The following TMEM135 variants were observed in gnomAD, a reference collection of about 807,000 sequenced individuals.
The protein encoded by TMEM135 is peroxisomal membrane protein 52.
A neutral mutation model predicts 60.3 loss-of-function variants in TMEM135; 30 were observed. The observed-to-expected ratio is 0.50, with a 90% CI of 0.37 to 0.68. The LOEUF (loss-of-function observed/expected upper bound fraction) is 0.68, where lower values mean the gene tolerates loss of function less well. TMEM135 is among the 30% of genes least tolerant of loss of function. The pLI is 0.00. For missense variants in TMEM135, 468 were observed against 548.8 expected (o/e 0.85, Z 1.47); for synonymous variants, 190 against 186.7 (o/e 1.02, Z -0.14).
At chr11:87,067,165 A>G (rs1220541400) in intron 1 of TMEM135, among the ~76,000 whole-genome samples, 1 of 141,672 alleles carries the variant, frequency 7.1e-6, no homozygotes, top group African/African-American at 2.8e-5. Flanking sequence ...AATTTACTAA[A>G]TATATATATA....
intron 4 of TMEM135, among the ~76,000 whole-genome samples, chr11:87,110,459 T>TAA (rs780804912): frequency 7.1e-6 from 1 of 140,096 alleles, no homozygotes. Flanking sequence ...GTCTTTGAAT[T>TAA]TAAAAAAAAA....
intron 5 of TMEM135, among the ~76,000 whole-genome samples, chr11:87,223,572 G>A (rs959804447): frequency 6.6e-6 from 1 of 151,946 alleles, no homozygotes; most frequent in African/African-American, 2.4e-5. Flanking sequence ...ACCCCAAAAA[G>A]TCTGGGCATG....
intron 4 of TMEM135, among the ~76,000 whole-genome samples, chr11:87,091,684 A>G (rs981497819): frequency 6.6e-6 from 1 of 151,998 alleles, no homozygotes; most frequent in African/African-American, 2.4e-5. Flanking sequence ...ATGTGTATAT[A>G]TCTGTCTCTT....
intron 6 of TMEM135, among the ~76,000 whole-genome samples, chr11:87,291,731 T>G (rs1266459851): frequency 6.6e-6 from 1 of 151,716 alleles, no homozygotes; most frequent in Non-Finnish European, 1.5e-5. Context: ...TCTGTAGAGA[T>G]GGGGTTTCGC....
At chr11:87,221,651 T>A (rs1280966403) in intron 5 of TMEM135, among the ~76,000 whole-genome samples, 1 of 152,200 alleles carries the variant, frequency 6.6e-6, no homozygotes, top group Non-Finnish European at 1.5e-5. Flanking sequence ...GAGATTTCCA[T>A]GATAGAGGTA....
chr11:87,246,902 C>T (rs1269941448), intron 6 of TMEM135, among the ~76,000 whole-genome samples: 1 of 128,512 alleles, frequency 7.8e-6, no homozygotes, highest in African/African-American at 3.0e-5. Flanking sequence ...TGAGGAGCTG[C>T]GTTCCTTTGG....
chr11:87,245,816 C>T lies in TMEM135; in HGVS notation c.509+9132C>T, dbSNP rs183306703. Among the ~76,000 whole-genome samples the T allele has an allele frequency of 7.3e-3, 683 of 93,510 alleles. 92 individuals are homozygous for T. Among genetic ancestry groups the T allele is most frequent in the Non-Finnish European group, 0.013 (539 of 40,422 alleles). The allele number at this position is 93,510 out of a possible 152,430, so 61.3% of individuals were successfully genotyped here. A position where few individuals can be genotyped will look rare whatever the true frequency, so the allele number is the denominator to read the frequency against. On this transcript the variant is annotated intron_variant, in intron 6 of 14. Coordinates refer to ENST00000305494, the MANE Select transcript of TMEM135 (RefSeq NM_022918.4). ...TTGACTCTTTATCCAATTTGCCAGT[C>T]TGTGTCTTTTAATTGGAGCATTTAG...
chr11:87,277,711 AG>A (rs1263595341), intron 6 of TMEM135, among the ~76,000 whole-genome samples: 9 of 150,946 alleles, frequency 6.0e-5, no homozygotes, highest in African/African-American at 2.2e-4. Flanking sequence ...TAATAGAGAC[AG>A]GGTTTCACCA....
chr11:87,327,872 A>G lies in TMEM135; in HGVS notation c.*6539A>G, dbSNP rs1337174176. On this transcript the variant is annotated 3_prime_UTR_variant, in exon 15 of 15. Transcript: ENST00000305494. The stretch of plus-strand genomic sequence containing the variant: ...GAAGAGTGTATCCCTGCTGCAGGGG[A>G]GAGAGAGAAGCCAATTCTCCTTTCT... The G allele has an allele frequency of 1.3e-5, 6 of 453,794 alleles. No individual in the cohort carries two copies. The highest frequency in any genetic ancestry group is 6.8e-4 in the Middle Eastern group (1 of 1,466). The allele number at this position is 453,794 out of a possible 1,614,324, so 28.1% of individuals were successfully genotyped here.
At chr11:87,226,531 A>G (rs1190187528) in intron 5 of TMEM135, among the ~76,000 whole-genome samples, 1 of 152,206 alleles carries the variant, frequency 6.6e-6, no homozygotes, top group Non-Finnish European at 1.5e-5. Context: ...CTTCCAGGAT[A>G]TAGTTAATAT....
intron 4 of TMEM135, among the ~76,000 whole-genome samples, chr11:87,110,325 T>C (rs752052020): frequency 6.6e-6 from 1 of 152,142 alleles, no homozygotes; most frequent in African/African-American, 2.4e-5. Flanking sequence ...AGGCCGGGCA[T>C]GGCGGCTTGC....
In TMEM135 at chr11:87,190,851, C is replaced by T. The variant is rs555781988; in HGVS notation, c.462+33445C>T. Reference sequence around the variant, plus strand: ...CATGTATACTTAAATTGTATATTCACAGACAATATACTATTTTAAAATTTT... The same window carrying T: ...CATGTATACTTAAATTGTATATTCATAGACAATATACTATTTTAAAATTTT... On this transcript the variant is annotated intron_variant, in intron 5 of 14. Coordinates refer to ENST00000305494, the MANE Select transcript of TMEM135 (RefSeq NM_022918.4). Among the ~76,000 whole-genome samples the T allele has an allele frequency of 2.0e-5, 3 of 152,276 alleles. No homozygotes were observed. The South Asian group carries it at 6.2e-4, about 32-fold the overall frequency.
At chr11:87,227,092 G>A (rs988751657) in intron 5 of TMEM135, among the ~76,000 whole-genome samples, 6 of 151,966 alleles carry the variant, frequency 3.9e-5, no homozygotes, top group African/African-American at 1.4e-4. Flanking sequence ...GGCCAATAGT[G>A]CAAGTAAGAG....
At chr11:87,248,457 G>C (rs1345178154) in intron 6 of TMEM135, among the ~76,000 whole-genome samples, 1 of 152,186 alleles carries the variant, frequency 6.6e-6, no homozygotes, top group African/African-American at 2.4e-5. Flanking sequence ...GATCAGTGAT[G>C]TTGAGCACCT....
At chr11:87,172,707 CTTTAA>C (rs1438680896) in intron 5 of TMEM135, among the ~76,000 whole-genome samples, 1 of 151,852 alleles carries the variant, frequency 6.6e-6, no homozygotes. Context: ...GCAAATACTA[CTTTAA>C]TTCAATCAGC....
chr11:87,312,597 A>G (rs1442003834), intron 10 of TMEM135, among the ~76,000 whole-genome samples: 1 of 151,986 alleles, frequency 6.6e-6, no homozygotes. Flanking sequence ...GAAAGCAGCT[A>G]TAGACAATAT....
chr11:87,302,285 C>A lies in TMEM135; in HGVS notation c.552-11C>A, dbSNP rs1469970946. On this transcript the variant is annotated splice_polypyrimidine_tract_variant and intron_variant, in intron 7 of 14. Coordinates refer to ENST00000305494, the MANE Select transcript of TMEM135 (RefSeq NM_022918.4). ...AGTGAAAAATGCCTCACATTGTGCT[C>A]TTTTCTTTAGGTTCATTGTAGGGAA... 1 of 1,612,340 alleles carries A rather than the reference C, an allele frequency of 6.2e-7. No individual in the cohort carries two copies. The highest frequency in any genetic ancestry group is 1.3e-5 in the African/African-American group (1 of 74,610).
chr11:87,274,039 A>C (rs1941921669), intron 6 of TMEM135, among the ~76,000 whole-genome samples: 1 of 152,152 alleles, frequency 6.6e-6, no homozygotes, highest in Admixed American at 6.5e-5. Context: ...GAGATTTATG[A>C]AATATATTTT....
At chr11:87,151,411 T>G (rs1329820468) in intron 4 of TMEM135, among the ~76,000 whole-genome samples, 1 of 152,130 alleles carries the variant, frequency 6.6e-6, no homozygotes, top group East Asian at 1.9e-4. Context: ...GATGTGTTTT[T>G]GTGGGTACTT....
Sources: allele counts gnomAD v4.1 joint callset (sites outside exome capture counted in the v4.1 genomes callset), GRCh38; gene constraint gnomAD v4.1.1; transcripts MANE v1.5; gene names NCBI Gene and HGNC (gene_info 2026-07-23, HGNC 2026-07-21).